DPP6: variants seen among roughly 807,000 people sequenced by gnomAD.
DPP6 encodes A-type potassium channel modulatory protein DPP6.
DPP6 carries 69 observed loss-of-function variants against 122.6 expected under a neutral mutation model. That is an observed-to-expected ratio of 0.56 (90% CI 0.46 to 0.69). The LOEUF (loss-of-function observed/expected upper bound fraction) is 0.69, where lower values mean the gene tolerates loss of function less well. DPP6 is among the 30% of genes least tolerant of loss of function. The pLI, the probability that DPP6 is intolerant of heterozygous loss-of-function variation, is 0.00. For missense variants in DPP6, 928 were observed against 1,116.9 expected, an observed-to-expected ratio of 0.83 and a Z score of 2.41; for synonymous variants, 418 against 433.1, an observed-to-expected ratio of 0.97 and a Z score of 0.43.
At chr7:154,426,041 G>C (rs1233682412) in intron 1 of DPP6, among the ~76,000 whole-genome samples, 2 of 152,116 alleles carry the variant, frequency 1.3e-5, no homozygotes, top group African/African-American at 4.8e-5. Flanking sequence ...AGAACTTGGA[G>C]GCTCTTTTAG....
rs532811276 is a variant in DPP6 at position 154,859,431 on chromosome 7, G to A, written c.1714+5604G>A. Among the ~76,000 whole-genome samples the A allele has an allele frequency of 4.6e-5, 7 of 152,328 alleles. No individual in the cohort carries two copies. In the South Asian group the frequency reaches 8.3e-4, roughly 18 times the overall value. On this transcript the variant is annotated intron_variant, in intron 17 of 25. Transcript: ENST00000377770. ...ACAGGGCAGAGCCTCGGCACTGTGC[G>A]TCAGCTAGCAAAGGGGGCTCTGGAA...
chr7:153,782,058 C>T, the DPP6 span, among the ~76,000 whole-genome samples: 1 of 149,200 alleles, frequency 6.7e-6, no homozygotes, highest in Non-Finnish European at 1.5e-5. Flanking sequence ...CAATCAGGAT[C>T]ACTGTGGTAG....
At chr7:154,688,042 C>A (rs1839725329) in intron 7 of DPP6, among the ~76,000 whole-genome samples, 1 of 152,220 alleles carries the variant, frequency 6.6e-6, no homozygotes, top group Non-Finnish European at 1.5e-5. Flanking sequence ...ACTGTTGTAA[C>A]AACACCACAC....
intron 7 of DPP6, among the ~76,000 whole-genome samples, chr7:154,694,762 T>C (rs1840122705): frequency 6.6e-6 from 1 of 152,176 alleles, no homozygotes; most frequent in Admixed American, 6.5e-5. Flanking sequence ...AACCTGGGGT[T>C]ACCATTTTCC....
At chr7:153,951,859 A>G (rs371616911) in intron 1 of DPP6, among the ~76,000 whole-genome samples, 8 of 152,228 alleles carry the variant, frequency 5.3e-5, no homozygotes, top group African/African-American at 1.7e-4. Flanking sequence ...CCTGGTCAAC[A>G]TGGTGAAACC....
At chr7:154,659,271 C>T (rs1488782153) in intron 6 of DPP6, among the ~76,000 whole-genome samples, 1 of 152,208 alleles carries the variant, frequency 6.6e-6, no homozygotes, top group Non-Finnish European at 1.5e-5. Context: ...ATAGAGTAAA[C>T]TTGTCCCAAT....
intron 1 of DPP6, among the ~76,000 whole-genome samples, chr7:154,032,121 G>A (rs1245783881): frequency 1.3e-5 from 2 of 150,624 alleles, no homozygotes; most frequent in Non-Finnish European, 2.9e-5. Context: ...TGATCCTCCC[G>A]CCTCAGCCTC....
In DPP6 at chr7:154,104,801, G is replaced by A. The variant is rs115283086; in HGVS notation, c.243+51738G>A. On this transcript the variant is annotated intron_variant, in intron 1 of 25. Transcript: ENST00000377770. Reference sequence around the variant, plus strand: ...GGAGTGGTGGCACACCTCTATGTGTGTGCTTACGTAACAAACACTCAGTGT... The same window carrying A: ...GGAGTGGTGGCACACCTCTATGTGTATGCTTACGTAACAAACACTCAGTGT... 7.4e-3 allele frequency among the ~76,000 whole-genome samples: 1,127 copies of A among 152,004 alleles called. 20 individuals are homozygous for A. The highest frequency in any genetic ancestry group is 0.026 in the African/African-American group (1,086 of 41,414).
intron 1 of DPP6, among the ~76,000 whole-genome samples, chr7:154,328,142 A>G (rs757783763): frequency 1.9e-4 from 29 of 152,180 alleles, no homozygotes; most frequent in Non-Finnish European, 3.8e-4. Context: ...GAAAAGGGAA[A>G]AATGGTTTGC....
intron 3 of DPP6, among the ~76,000 whole-genome samples, chr7:154,526,630 T>C (rs1552735): frequency 0.38 from 57,707 of 152,080 alleles, 11,243 homozygotes; most frequent in African/African-American, 0.42. Context: ...CAGTTCTAGA[T>C]TATAAATATG....
chr7:154,471,154 G>T (rs1378160803), intron 2 of DPP6, among the ~76,000 whole-genome samples: 1 of 152,294 alleles, frequency 6.6e-6, no homozygotes, highest in South Asian at 2.1e-4. Flanking sequence ...GGGAGGCTGA[G>T]GCAGGAGAAT....
intron 1 of DPP6, among the ~76,000 whole-genome samples, chr7:154,070,615 A>G (rs963589132): frequency 1.3e-5 from 2 of 152,206 alleles, no homozygotes; most frequent in African/African-American, 4.8e-5. Flanking sequence ...TAATGAGGTC[A>G]TGCAAAATTC....
intron 2 of DPP6, among the ~76,000 whole-genome samples, chr7:154,453,460 A>G (rs932483635): frequency 6.6e-6 from 1 of 151,956 alleles, no homozygotes; most frequent in Middle Eastern, 3.4e-3. Context: ...TTATCTTTTT[A>G]AAATTCTTGA....
chr7:154,840,330 A>G (rs1457619422), intron 16 of DPP6, among the ~76,000 whole-genome samples: 25 of 152,208 alleles, frequency 1.6e-4, no homozygotes, highest in Admixed American at 1.6e-3. Flanking sequence ...ACCAACCATC[A>G]GGGGCTAAAG....
chr7:154,795,881 C>G lies in DPP6; in HGVS notation c.1297C>G (p.Gln433Glu). 5 of 1,611,958 alleles carry G rather than the reference C, an allele frequency of 3.1e-6. No individual in the cohort carries two copies. The highest frequency in any genetic ancestry group is 1.1e-5 in the South Asian group (1 of 90,482). The change falls in exon 12 of 26, where the codon CAG becomes GAG. Residue 433 changes from glutamine (Q) to glutamate (E), a missense_variant and splice_region_variant. Physicochemically the swap from Gln to Glu is conservative, Grantham distance 29. Transcript: ENST00000377770. ...EDESEAWLHR[Q>E]NEEPVFSKDG... Reference sequence around the variant, plus strand: ...TGAAAGTGAGGCCTGGCTCCACAGACAGGTAACTACTGCATGTCCGGGTCC... The same window carrying G: ...TGAAAGTGAGGCCTGGCTCCACAGAGAGGTAACTACTGCATGTCCGGGTCC...
intron 1 of DPP6, among the ~76,000 whole-genome samples, chr7:153,985,937 G>A (rs1796823960): frequency 6.6e-6 from 1 of 152,170 alleles, no homozygotes; most frequent in South Asian, 2.1e-4. Context: ...GACCTTAACA[G>A]GTCCTCTGTA....
At chr7:154,000,982 C>A (rs1316628408) in intron 1 of DPP6, among the ~76,000 whole-genome samples, 1 of 152,202 alleles carries the variant, frequency 6.6e-6, no homozygotes, top group Admixed American at 6.5e-5. Context: ...AGGCAGATGA[C>A]AAGGTGGGGG....
At chr7:154,588,355 G>A (rs1441449561) in intron 5 of DPP6, 2 of 489,602 alleles carry the variant, frequency 4.1e-6, no homozygotes, top group Non-Finnish European at 7.0e-6. Flanking sequence ...TCCTCTGAGT[G>A]ACAATGTGAT....
intron 2 of DPP6, among the ~76,000 whole-genome samples, chr7:154,463,231 G>T (rs1253548457): frequency 9.3e-6 from 1 of 107,236 alleles, no homozygotes; most frequent in Non-Finnish European, 1.8e-5. Context: ...TTTTTGAGAC[G>T]GAGTCTCGCT....
Sources: gnomAD v4.1 joint callset for allele counts (sites outside exome capture counted in the v4.1 genomes callset) on GRCh38, gnomAD v4.1.1 for gene constraint, MANE v1.5 for transcripts, NCBI Gene and HGNC (gene_info 2026-07-23, HGNC 2026-07-21) for gene names.